Variants in MRTFB observed in about 807,000 individuals in gnomAD.
MRTFB encodes the protein myocardin related transcription factor B, also known as myocardin-related transcription factor B.
MRTFB carries 29 observed loss-of-function variants against 104.2 expected under a neutral mutation model. The ratio of observed to expected loss-of-function variants is 0.28; its 90% CI spans 0.21 to 0.38. The LOEUF (loss-of-function observed/expected upper bound fraction) is 0.38. MRTFB is among the 10% of genes least tolerant of loss of function. The pLI is 1.00. For synonymous variants in MRTFB, 535 were observed against 519.5 expected (o/e 1.03, Z -0.41); for missense variants, 1,270 against 1,341.6 (o/e 0.95, Z 0.83).
At chr16:14,038,060 G>A in the MRTFB span, among the ~76,000 whole-genome samples, 2 of 152,174 alleles carry the variant, frequency 1.3e-5, no homozygotes, top group Non-Finnish European at 1.5e-5. Context: ...AAGACTGGGT[G>A]ACTTAAACAA....
chr16:14,009,024 C>T, the MRTFB span, among the ~76,000 whole-genome samples: 1 of 151,740 alleles, frequency 6.6e-6, no homozygotes, highest in South Asian at 2.1e-4. Context: ...TCATAGCTCA[C>T]TGCAGCCTCA....
At chr16:14,054,939 T>C in the MRTFB span, among the ~76,000 whole-genome samples, 2 of 152,226 alleles carry the variant, frequency 1.3e-5, no homozygotes, top group African/African-American at 2.4e-5. Context: ...GATCTCAAAA[T>C]AATTTCAGAC....
chr16:14,024,152 G>C, the MRTFB span, among the ~76,000 whole-genome samples: 2 of 152,092 alleles, frequency 1.3e-5, no homozygotes, highest in African/African-American at 2.4e-5. Context: ...TATTGGTGTT[G>C]TTCACAGCCC....
chr16:14,213,395 A>G (rs891232406), intron 5 of MRTFB, 150 bp from the exon 6 acceptor site: 2 of 518,314 alleles, frequency 3.9e-6, no homozygotes, highest in Non-Finnish European at 6.7e-6. Flanking sequence ...CATGTGTTGG[A>G]TACTAGTTTT....
chr16:14,019,439 T>G, the MRTFB span: 6 of 152,258 alleles, frequency 3.9e-5, no homozygotes, highest in Non-Finnish European at 8.8e-5. Flanking sequence ...TCCATGAGCA[T>G]GGGCCCATTC....
At chr16:14,066,890 C>G (rs1288516618), upstream of MRTFB, among the ~76,000 whole-genome samples, 2 of 150,618 alleles carry the variant, frequency 1.3e-5, no homozygotes, top group African/African-American at 2.4e-5. Flanking sequence ...AGGCTGGTCT[C>G]AAACTCCTGG....
chr16:14,147,433 TCTC>T (rs1412099712), intron 3 of MRTFB, among the ~76,000 whole-genome samples: 2 of 152,196 alleles, frequency 1.3e-5, no homozygotes, highest in African/African-American at 4.8e-5. Flanking sequence ...CTTTATGATG[TCTC>T]CTATTAGTAT....
In MRTFB at chr16:14,261,908, C is replaced by T. The variant is rs30126; in HGVS notation, c.*464C>T. 27,027 of 153,408 alleles carry T rather than the reference C, an allele frequency of 0.18. 4,612 individuals are homozygous for T. The highest frequency in any genetic ancestry group is 0.43 in the African/African-American group (17,876 of 41,460). The allele number at this position is 153,408 out of a possible 1,614,324, so 9.5% of individuals were successfully genotyped here. A position where few individuals can be genotyped will look rare whatever the true frequency, so the allele number is the denominator to read the frequency against. On this transcript the variant is annotated 3_prime_UTR_variant, in exon 17 of 17. Transcript: ENST00000571589. ...CACTGCACTTGGTACTTCCTAGAGACGGCCGGAGCCAGGCCCAAGACACAG... is the reference window on the plus strand; with the variant it reads ...CACTGCACTTGGTACTTCCTAGAGATGGCCGGAGCCAGGCCCAAGACACAG...
the MRTFB span, among the ~76,000 whole-genome samples, chr16:14,002,568 C>G: frequency 3.3e-5 from 5 of 152,154 alleles, no homozygotes; most frequent in Admixed American, 3.3e-4. Context: ...CCTGCATCAT[C>G]GACAATTCTC....
intron 3 of MRTFB, among the ~76,000 whole-genome samples, chr16:14,165,525 TG>T (rs1466331543): frequency 6.6e-6 from 1 of 152,222 alleles, no homozygotes; most frequent in Non-Finnish European, 1.5e-5. Context: ...CTTTGCCTTC[TG>T]TACCCTGTGC....
At chr16:14,047,798 T>C in the MRTFB span, among the ~76,000 whole-genome samples, 4 of 152,190 alleles carry the variant, frequency 2.6e-5, no homozygotes, top group South Asian at 2.1e-4. Flanking sequence ...ATGGGAGCTA[T>C]AATTCAAGAT....
chr16:14,229,717 A>G (rs1282551766), intron 8 of MRTFB, among the ~76,000 whole-genome samples: 1 of 152,080 alleles, frequency 6.6e-6, no homozygotes, highest in Admixed American at 6.5e-5. Flanking sequence ...GTAGGAGAAA[A>G]GTCAGTCTTT....
the MRTFB span, among the ~76,000 whole-genome samples, chr16:14,029,425 T>A: frequency 2.6e-3 from 137 of 52,000 alleles, 1 homozygote; most frequent in African/African-American, 5.6e-3. Flanking sequence ...AAAAAATATA[T>A]ATATATATAT....
chr16:14,173,752 T>C (rs2039494660), intron 3 of MRTFB, among the ~76,000 whole-genome samples: 1 of 152,182 alleles, frequency 6.6e-6, no homozygotes, highest in South Asian at 2.1e-4. Context: ...GAGGCTCTGT[T>C]CTTTGTTTTT....
intron 15 of MRTFB, among the ~76,000 whole-genome samples, chr16:14,255,024 G>GAA (rs113854228): frequency 6.6e-6 from 1 of 152,036 alleles, no homozygotes; most frequent in African/African-American, 2.4e-5. Context: ...TATCTGAAAT[G>GAA]AAAAAAATAT....
intron 3 of MRTFB, among the ~76,000 whole-genome samples, chr16:14,204,437 T>G (rs1158137553): frequency 2.0e-5 from 3 of 152,202 alleles, no homozygotes; most frequent in African/African-American, 7.2e-5. Flanking sequence ...ATACTTTATA[T>G]CTAAACTACC....
chr16:14,029,586 G>C, the MRTFB span, among the ~76,000 whole-genome samples: 1 of 151,024 alleles, frequency 6.6e-6, no homozygotes, highest in African/African-American at 2.4e-5. Context: ...TTAGAATCAC[G>C]CCAGGTACCC....
chr16:14,204,300 G>A (rs1035211718), intron 3 of MRTFB, among the ~76,000 whole-genome samples: 6 of 151,986 alleles, frequency 3.9e-5, no homozygotes, highest in South Asian at 4.1e-4. Flanking sequence ...TATTGGAAAC[G>A]AATCTTAAAA....
chr16:14,139,602 C>T (rs966824025), intron 2 of MRTFB, among the ~76,000 whole-genome samples: 1 of 152,274 alleles, frequency 6.6e-6, no homozygotes, highest in Admixed American at 6.5e-5. Flanking sequence ...TGGGTAAATA[C>T]AATCTTGGTA....
Sources: allele counts gnomAD v4.1 joint callset (sites outside exome capture counted in the v4.1 genomes callset), GRCh38; gene constraint gnomAD v4.1.1; transcripts MANE v1.5; gene names NCBI Gene and HGNC (gene_info 2026-07-23, HGNC 2026-07-21).